The following INTU variants were observed in gnomAD, a reference collection of about 807,000 sequenced individuals.
The protein encoded by INTU is inturned planar cell polarity protein, also known as protein inturned.
A neutral mutation model predicts 100.5 loss-of-function variants in INTU; 68 were observed. The ratio of observed to expected loss-of-function variants is 0.68; its 90% CI spans 0.56 to 0.83. The LOEUF is 0.83. Among genes scored for constraint, INTU ranks in the 40% least tolerant of loss-of-function variants. The pLI is 0.00. For synonymous variants in INTU, 357 were observed against 395.7 expected, an observed-to-expected ratio of 0.90 and a Z score of 1.16; for missense variants, 1,071 against 1,114.7, an observed-to-expected ratio of 0.96 and a Z score of 0.56.
At chr4:127,660,075 G>A (rs1410638317) in intron 3 of INTU, among the ~76,000 whole-genome samples, 1 of 152,138 alleles carries the variant, frequency 6.6e-6, no homozygotes, top group Admixed American at 6.5e-5. Flanking sequence ...TATCACTCTG[G>A]ATGGGGGAGG....
chr4:127,677,121 C>G (rs550457975), intron 6 of INTU, among the ~76,000 whole-genome samples: 18 of 152,300 alleles, frequency 1.2e-4, no homozygotes, highest in Middle Eastern at 3.4e-3. Flanking sequence ...TGGAGCCCAC[C>G]ACAGCTCAAG....
intron 1 of INTU, among the ~76,000 whole-genome samples, chr4:127,640,631 T>A (rs1354608030): frequency 2.2e-5 from 3 of 139,450 alleles, no homozygotes; most frequent in Non-Finnish European, 4.6e-5. Context: ...ATGGTTCCTA[T>A]AACTTTGTGG....
Position 127,693,321 on chromosome 4 carries a change from A to AT in INTU, c.1449+5461dup, listed in dbSNP as rs1171939440. ...TCCTTGCTTCAGTATATTCCTAAGT[A>AT]TTTTTTTGCAGCTATTGTGAAAGGG... On this transcript the variant is annotated intron_variant, in intron 8 of 15. Coordinates refer to ENST00000335251, the MANE Select transcript of INTU (RefSeq NM_015693.4). 5.3e-5 allele frequency among the ~76,000 whole-genome samples: 8 copies of AT among 151,604 alleles called. No homozygotes were observed. In the East Asian group the frequency reaches 5.8e-4, roughly 11 times the overall value.
intron 2 of INTU, among the ~76,000 whole-genome samples, chr4:127,646,658 T>TA (rs1470222229): frequency 3.9e-5 from 6 of 152,182 alleles, no homozygotes; most frequent in Non-Finnish European, 5.9e-5. Flanking sequence ...ACATATGGTT[T>TA]AGACAGGAAA....
At chr4:127,663,839 G>C (rs1402358001) in intron 4 of INTU, among the ~76,000 whole-genome samples, 1 of 152,036 alleles carries the variant, frequency 6.6e-6, no homozygotes, top group Non-Finnish European at 1.5e-5. Flanking sequence ...AAAGAGGAAG[G>C]TATCGTTGCA....
intron 8 of INTU, among the ~76,000 whole-genome samples, chr4:127,696,785 A>G (rs944044194): frequency 6.6e-6 from 1 of 151,484 alleles, no homozygotes; most frequent in Non-Finnish European, 1.5e-5. Context: ...TTGATTTTAG[A>G]TATTTCTTCT....
chr4:127,658,571 G>T (rs554908067), intron 3 of INTU, among the ~76,000 whole-genome samples: 1 of 152,260 alleles, frequency 6.6e-6, no homozygotes, highest in African/African-American at 2.4e-5. Flanking sequence ...CCTGAGTGAG[G>T]GATCCCCTTT....
At chr4:127,711,267 C>G (rs1731084050) in intron 14 of INTU, among the ~76,000 whole-genome samples, 165 bp downstream of exon 14, 1 of 152,152 alleles carries the variant, frequency 6.6e-6, no homozygotes, top group Admixed American at 6.6e-5. Flanking sequence ...CACAGTACTT[C>G]AAGGTTTTAT....
intron 3 of INTU, among the ~76,000 whole-genome samples, chr4:127,658,331 A>C (rs1452398314): frequency 6.6e-6 from 1 of 152,082 alleles, no homozygotes; most frequent in African/African-American, 2.4e-5. Context: ...ATGGAGATGG[A>C]GATGGGGTGG....
chr4:127,699,624 T>C (rs1265592519), intron 8 of INTU, among the ~76,000 whole-genome samples: 1 of 152,224 alleles, frequency 6.6e-6, no homozygotes, highest in Non-Finnish European at 1.5e-5. Flanking sequence ...TGATTTTCAT[T>C]TTCTTCTATG....
chr4:127,659,631 C>T (rs1238282512), intron 3 of INTU, among the ~76,000 whole-genome samples: 1 of 152,208 alleles, frequency 6.6e-6, no homozygotes, highest in Non-Finnish European at 1.5e-5. Context: ...GGTACATAAT[C>T]ATGCTTGTAG....
intron 6 of INTU, among the ~76,000 whole-genome samples, chr4:127,674,800 T>C (rs1729099205): frequency 6.6e-6 from 1 of 152,214 alleles, no homozygotes; most frequent in Non-Finnish European, 1.5e-5. Flanking sequence ...TTAGGTACTT[T>C]ATATTTATTA....
At chr4:127,694,801 T>C (rs561063349) in intron 8 of INTU, among the ~76,000 whole-genome samples, 3 of 152,322 alleles carry the variant, frequency 2.0e-5, no homozygotes, top group African/African-American at 7.2e-5. Flanking sequence ...TGTTCCTTTG[T>C]CAAAGATCAG....
chr4:127,677,326 G>A (rs1299243110), intron 6 of INTU, among the ~76,000 whole-genome samples: 40 of 151,600 alleles, frequency 2.6e-4, no homozygotes, highest in African/African-American at 8.8e-4. Flanking sequence ...CCTGACCCCC[G>A]AGCAGCCTAA....
At chr4:127,692,453 CT>C (rs1245869812) in intron 8 of INTU, among the ~76,000 whole-genome samples, 2 of 151,980 alleles carry the variant, frequency 1.3e-5, no homozygotes, top group East Asian at 3.9e-4. Context: ...TTTTTTCTTG[CT>C]GATTTGTTTG....
Position 127,669,057 on chromosome 4 carries a change from C to T in INTU, c.994C>T (p.Pro332Ser). The T allele has an allele frequency of 6.7e-7, 1 of 1,495,694 alleles. No individual in the cohort carries two copies. The highest frequency in any genetic ancestry group is 9.1e-7 in the Non-Finnish European group (1 of 1,100,020). 92.7% of individuals were successfully genotyped at this position (1,495,694 alleles called of 1,614,324 possible). ...ACAGCAGGAAATTCTTTATCATTATCCAATGTCTGAAGCATCTCAGAAACT... is the reference window on the plus strand; with the variant it reads ...ACAGCAGGAAATTCTTTATCATTATTCAATGTCTGAAGCATCTCAGAAACT... ...KEEQEILYHYPMSEASQKLKS... is the reference protein window; with the variant it reads ...KEEQEILYHYSMSEASQKLKS... Residue 332 changes from proline to serine, a missense_variant, in exon 5 of 16, where the codon CCA (proline) becomes TCA (serine). Pro to Ser is a moderately conservative substitution (Grantham distance 74, BLOSUM62 -1). Transcript: ENST00000335251.
At chr4:127,696,818 C>T (rs925291177) in intron 8 of INTU, among the ~76,000 whole-genome samples, 1 of 151,998 alleles carries the variant, frequency 6.6e-6, no homozygotes, top group Non-Finnish European at 1.5e-5. Context: ...GCATTTAATG[C>T]TATAAATTTC....
chr4:127,670,972 T>G (rs1728901205), intron 5 of INTU, among the ~76,000 whole-genome samples: 1 of 151,966 alleles, frequency 6.6e-6, no homozygotes, highest in South Asian at 2.1e-4. Flanking sequence ...TCAAGTTAGA[T>G]TAAAGACTTA....
intron 6 of INTU, among the ~76,000 whole-genome samples, chr4:127,674,487 C>G (rs1265618637): frequency 6.6e-6 from 1 of 152,176 alleles, no homozygotes; most frequent in Non-Finnish European, 1.5e-5. Flanking sequence ...GAGATGAGCT[C>G]TGCCTCTGCT....
Sources: gnomAD v4.1 joint callset for allele counts (sites outside exome capture counted in the v4.1 genomes callset) on GRCh38, gnomAD v4.1.1 for gene constraint, MANE v1.5 for transcripts, NCBI Gene and HGNC (gene_info 2026-07-23, HGNC 2026-07-21) for gene names.